The following ARHGAP24 variants were observed in gnomAD, a reference collection of about 807,000 sequenced individuals.
ARHGAP24 encodes Rho GTPase activating protein 24.
ARHGAP24 carries 50 observed loss-of-function variants against 76.4 expected under a neutral mutation model. The observed-to-expected ratio is 0.65, with a 90% confidence interval of 0.52 to 0.83. The LOEUF is 0.83. ARHGAP24 is among the 40% of genes least tolerant of loss of function. ARHGAP24 has a pLI of 0.00. For synonymous variants in ARHGAP24, 345 were observed against 323.3 expected (o/e 1.07, Z -0.72); for missense variants, 930 against 914.2 (o/e 1.02, Z -0.22).
chr4:85,511,555 C>G (rs751226454), intron 1 of ARHGAP24, among the ~76,000 whole-genome samples: 1 of 151,932 alleles, frequency 6.6e-6, no homozygotes, highest in Admixed American at 6.5e-5. Context: ...CTCTTCCTCA[C>G]GGGTTCAAAC....
chr4:85,930,327 T>TG (rs533415832), intron 4 of ARHGAP24: 5 of 985,582 alleles, frequency 5.1e-6, no homozygotes, highest in East Asian at 2.3e-4. Context: ...CATCAAAGGA[T>TG]GGGGGGTGCT....
chr4:85,593,659 T>C (rs1578063133), intron 2 of ARHGAP24, among the ~76,000 whole-genome samples: 1 of 152,172 alleles, frequency 6.6e-6, no homozygotes, highest in East Asian at 1.9e-4. Flanking sequence ...CCAGTTTCAT[T>C]ATTTTGCATA....
intron 2 of ARHGAP24, among the ~76,000 whole-genome samples, chr4:85,707,644 T>C (rs928112207): frequency 7.2e-5 from 11 of 152,270 alleles, no homozygotes; most frequent in African/African-American, 2.6e-4. Context: ...GAGTTTCTGC[T>C]CTTTGGACAC....
intron 1 of ARHGAP24, among the ~76,000 whole-genome samples, chr4:85,509,575 G>A (rs1378817805): frequency 3.3e-5 from 5 of 151,900 alleles, no homozygotes; most frequent in Admixed American, 6.6e-5. Flanking sequence ...TGAACCATTT[G>A]TCTCTAAGAA....
rs190677585 is a variant in ARHGAP24 at position 85,762,401 on chromosome 4, A to G, written c.268+40429A>G. ...AAAGACAGCGATTGAAGCAAGATCC[A>G]GGAGAGGGAAAACACATGCCCTGCT... On this transcript the variant is annotated intron_variant, in intron 3 of 9. Coordinates refer to ENST00000395184, the MANE Select transcript of ARHGAP24 (RefSeq NM_001025616.3). 2.6e-5 allele frequency among the ~76,000 whole-genome samples: 4 copies of G among 152,296 alleles called. No individual in the cohort carries two copies. The East Asian group carries it at 7.7e-4, about 29-fold the overall frequency.
chr4:85,780,462 G>A (rs62315355), intron 3 of ARHGAP24, among the ~76,000 whole-genome samples: 39,361 of 151,976 alleles, frequency 0.26, 5,382 homozygotes, highest in African/African-American at 0.3. Flanking sequence ...GTGAGCCACT[G>A]CGCCCAGCCT....
chr4:85,981,249 A>G (rs1040572255), intron 8 of ARHGAP24, among the ~76,000 whole-genome samples: 2 of 152,196 alleles, frequency 1.3e-5, no homozygotes, highest in African/African-American at 2.4e-5. Flanking sequence ...TAGCAGACAC[A>G]TTCTCAAAAA....
At chr4:85,864,260 T>TC (rs1160305798) in intron 3 of ARHGAP24, among the ~76,000 whole-genome samples, 1 of 152,108 alleles carries the variant, frequency 6.6e-6, no homozygotes, top group Non-Finnish European at 1.5e-5. Context: ...TACCAAGGAC[T>TC]CCCATGGCCT....
At chr4:85,836,564 T>C (rs1272665137) in intron 3 of ARHGAP24, among the ~76,000 whole-genome samples, 1 of 152,214 alleles carries the variant, frequency 6.6e-6, no homozygotes, top group Non-Finnish European at 1.5e-5. Flanking sequence ...ACACCAGTCA[T>C]ATTGGATTAG....
intron 3 of ARHGAP24, among the ~76,000 whole-genome samples, chr4:85,908,020 C>G (rs1418078718): frequency 6.6e-6 from 1 of 152,100 alleles, no homozygotes; most frequent in Non-Finnish European, 1.5e-5. Flanking sequence ...CAGGTGGAAA[C>G]CAACTCAACT....
chr4:85,741,612 C>T (rs1009506602), intron 3 of ARHGAP24, among the ~76,000 whole-genome samples: 26 of 152,326 alleles, frequency 1.7e-4, no homozygotes, highest in African/African-American at 5.5e-4. Context: ...AGCAGAAGAA[C>T]TCACTGCCTC....
chr4:85,979,691 AC>A (rs1187663532), intron 8 of ARHGAP24, among the ~76,000 whole-genome samples: 1 of 152,136 alleles, frequency 6.6e-6, no homozygotes, highest in African/African-American at 2.4e-5. Context: ...CTTCTCATCT[AC>A]TGCTTAGGAA....
chr4:85,613,335 A>G (rs1182264196), intron 2 of ARHGAP24, among the ~76,000 whole-genome samples: 3 of 152,202 alleles, frequency 2.0e-5, no homozygotes, highest in Non-Finnish European at 2.9e-5. Context: ...TTTAACTGCT[A>G]TATAATATTC....
At chr4:85,480,620 T>C (rs1237618038) in intron 1 of ARHGAP24, among the ~76,000 whole-genome samples, 1 of 152,192 alleles carries the variant, frequency 6.6e-6, no homozygotes, top group Non-Finnish European at 1.5e-5. Flanking sequence ...CTTTAGTTTT[T>C]TGGAACCAAT....
intron 2 of ARHGAP24, among the ~76,000 whole-genome samples, chr4:85,652,774 C>T (rs984539194): frequency 1.3e-5 from 2 of 152,118 alleles, no homozygotes; most frequent in Non-Finnish European, 2.9e-5. Context: ...ATGTGGTGTG[C>T]TTCCATGGCA....
intron 3 of ARHGAP24, among the ~76,000 whole-genome samples, chr4:85,923,349 T>G (rs1735837210): frequency 6.6e-6 from 1 of 152,218 alleles, no homozygotes; most frequent in African/African-American, 2.4e-5. Flanking sequence ...ATTCAGCAGC[T>G]TCGCGTGAAT....
intron 3 of ARHGAP24, among the ~76,000 whole-genome samples, chr4:85,901,392 A>AAC (rs1734483214): frequency 5.3e-5 from 8 of 151,594 alleles, no homozygotes; most frequent in Admixed American, 5.3e-4. Context: ...CAAACAACAA[A>AAC]AAAAAAAAAC....
At chr4:85,788,540 G>A (rs1007135617) in intron 3 of ARHGAP24, among the ~76,000 whole-genome samples, 4 of 152,162 alleles carry the variant, frequency 2.6e-5, no homozygotes, top group Admixed American at 2.0e-4. Flanking sequence ...GACCATAGAG[G>A]TGAGAGGATT....
chr4:85,571,859 CA>C (rs1727152688), intron 2 of ARHGAP24, among the ~76,000 whole-genome samples: 1 of 152,146 alleles, frequency 6.6e-6, no homozygotes, highest in African/African-American at 2.4e-5. Flanking sequence ...ATGTGTAATG[CA>C]GATTACCCAA....
Sources: allele counts gnomAD v4.1 joint callset (sites outside exome capture counted in the v4.1 genomes callset), GRCh38; gene constraint gnomAD v4.1.1; transcripts MANE v1.5; gene names NCBI Gene and HGNC (gene_info 2026-07-23, HGNC 2026-07-21).